The following R3HDM1 variants were observed in gnomAD, a reference collection of about 807,000 sequenced individuals.
The protein encoded by R3HDM1 is R3H domain-containing protein 1.
Under a neutral mutation model 141.1 loss-of-function variants are expected in R3HDM1, and 46 were observed. The observed-to-expected ratio is 0.33, with a 90% CI of 0.26 to 0.42. R3HDM1 has a LOEUF of 0.42. Ranked by LOEUF, R3HDM1 falls within the 10% of genes least tolerant of loss-of-function variation. R3HDM1 has a pLI of 1.00. For synonymous variants in R3HDM1, 435 were observed against 472.9 expected (o/e 0.92, Z 1.04); for missense variants, 1,184 against 1,368.3 (o/e 0.87, Z 2.12).
intron 17 of R3HDM1, chr2:135,651,302 A>C (rs764293468): frequency 5.2e-4 from 509 of 984,534 alleles, no homozygotes; most frequent in Non-Finnish European, 6.1e-4. Context: ...TTCTAGGAAG[A>C]GGGGAGATAG....
intron 5 of R3HDM1, 75 bp downstream of exon 5, chr2:135,616,832 TTG>T (rs1049332782): frequency 3.2e-6 from 4 of 1,249,522 alleles, no homozygotes; most frequent in Non-Finnish European, 4.5e-6. Context: ...TAAGTTGTGT[TTG>T]TTATATTTGT....
intron 21 of R3HDM1, among the ~76,000 whole-genome samples, chr2:135,699,054 A>ATT (rs59248857): frequency 0.091 from 8,379 of 92,046 alleles, 563 homozygotes; most frequent in Middle Eastern, 0.2. Context: ...TAAGATAGAT[A>ATT]AGATAGATTG....
At chr2:135,615,426 A>G (rs764523320) in intron 3 of R3HDM1, among the ~76,000 whole-genome samples, 11 of 152,148 alleles carry the variant, frequency 7.2e-5, no homozygotes, top group East Asian at 3.9e-4. Context: ...TTTAAAACCT[A>G]TCTGGCTCTG....
intron 18 of R3HDM1, among the ~76,000 whole-genome samples, chr2:135,655,148 A>G (rs1053842528): frequency 2.0e-5 from 3 of 152,008 alleles, no homozygotes; most frequent in Non-Finnish European, 4.4e-5. Context: ...TAAGTGCTTT[A>G]TGTTTTTAGC....
At chr2:135,650,121 A>G in intron 17 of R3HDM1, 118 bp downstream of exon 17, 1 of 1,005,326 alleles carries the variant, frequency 9.9e-7, no homozygotes, top group Non-Finnish European at 1.2e-6. Flanking sequence ...AGGTTTACAT[A>G]TGTATCTAAA....
intron 21 of R3HDM1, among the ~76,000 whole-genome samples, chr2:135,684,431 A>G (rs753445648): frequency 6.6e-6 from 1 of 152,200 alleles, no homozygotes; most frequent in Non-Finnish European, 1.5e-5. Context: ...GCACATGTGT[A>G]TATGTACATA....
At chr2:135,666,946 C>A in intron 19 of R3HDM1, 3 of 258,576 alleles carry the variant, frequency 1.2e-5, no homozygotes, top group Non-Finnish European at 1.2e-5. Flanking sequence ...AGAAAACTAC[C>A]TTCACAGTGC....
chr2:135,594,186 C>T (rs1415256403), intron 1 of R3HDM1, among the ~76,000 whole-genome samples: 3 of 152,208 alleles, frequency 2.0e-5, no homozygotes. Context: ...TTAGCTTTTG[C>T]TTTCATTTAA....
intron 1 of R3HDM1, among the ~76,000 whole-genome samples, chr2:135,537,678 T>TTTATTTTATTTTATTTTATTTTA: frequency 6.8e-6 from 1 of 146,636 alleles, no homozygotes; most frequent in African/African-American, 2.6e-5. Flanking sequence ...TTTATTTTAC[T>TTTATTTTATTTTATTTTATTTTA]TAGAGTCTCA....
intron 20 of R3HDM1, among the ~76,000 whole-genome samples, chr2:135,679,603 A>G (rs1250541082): frequency 2.6e-5 from 4 of 152,188 alleles, no homozygotes; most frequent in Non-Finnish European, 4.4e-5. Context: ...GGCCATCCTT[A>G]TGTGGAAAGT....
chr2:135,544,418 C>G (rs1034286451), intron 1 of R3HDM1, among the ~76,000 whole-genome samples: 1 of 152,154 alleles, frequency 6.6e-6, no homozygotes, highest in African/African-American at 2.4e-5. Context: ...AACATGAAAA[C>G]TTTAGTTTTT....
intron 14 of R3HDM1, 178 bp downstream of exon 14, chr2:135,639,300 C>G (rs1337674231): frequency 3.3e-6 from 2 of 608,858 alleles, no homozygotes; most frequent in Non-Finnish European, 5.8e-6. Context: ...AGGATTCACT[C>G]TCTGTCCTGG....
chr2:135,650,437 A>C (rs2065027287), intron 17 of R3HDM1: 2 of 983,336 alleles, frequency 2.0e-6, no homozygotes, highest in Non-Finnish European at 2.4e-6. Context: ...AGGACTTCTA[A>C]GTATATTTTC....
chr2:135,718,861 A>G (rs955962673), intron 24 of R3HDM1, among the ~76,000 whole-genome samples: 18 of 152,088 alleles, frequency 1.2e-4, no homozygotes, highest in African/African-American at 4.3e-4. Context: ...TAAATTTAGA[A>G]AAAAGGCTAT....
At chr2:135,685,640 T>C (rs2071206227) in intron 21 of R3HDM1, among the ~76,000 whole-genome samples, 1 of 152,194 alleles carries the variant, frequency 6.6e-6, no homozygotes, top group Non-Finnish European at 1.5e-5. Flanking sequence ...AAATACATGC[T>C]ATATTCATTG....
At chr2:135,566,745 A>G (rs1455344849) in intron 1 of R3HDM1, 2 of 985,362 alleles carry the variant, frequency 2.0e-6, no homozygotes, top group Non-Finnish European at 2.4e-6. Flanking sequence ...AGGGAAGGAA[A>G]TGATCAAAAC....
chr2:135,560,353 T>G (rs1701568833), intron 1 of R3HDM1, among the ~76,000 whole-genome samples: 1 of 152,196 alleles, frequency 6.6e-6, no homozygotes, highest in Non-Finnish European at 1.5e-5. Flanking sequence ...TTCTGAATCT[T>G]TTTTCAGGCT....
At chr2:135,718,773 C>CAG (rs1290663321) in intron 24 of R3HDM1, among the ~76,000 whole-genome samples, 1 of 152,150 alleles carries the variant, frequency 6.6e-6, no homozygotes, top group African/African-American at 2.4e-5. Flanking sequence ...TCAGCCACTA[C>CAG]ACCCAGCACC....
chr2:135,538,922 T>TTTG (rs142600652), intron 1 of R3HDM1, among the ~76,000 whole-genome samples: 105 of 151,750 alleles, frequency 6.9e-4, no homozygotes, highest in Non-Finnish European at 1.1e-3. Context: ...CTTAAAAGTT[T>TTTG]TTGTTGTTGT....
Sources: allele counts gnomAD v4.1 joint callset (sites outside exome capture counted in the v4.1 genomes callset), GRCh38; gene constraint gnomAD v4.1.1; transcripts MANE v1.5; gene names NCBI Gene and HGNC (gene_info 2026-07-23, HGNC 2026-07-21).